The following CSMD1 variants were observed in gnomAD, a reference collection of about 807,000 sequenced individuals.
The protein encoded by CSMD1 is CUB and Sushi multiple domains 1, also known as CUB and sushi domain-containing protein 1.
CSMD1 carries 213 observed loss-of-function variants against 417.5 expected under a neutral mutation model. The ratio of observed to expected loss-of-function variants is 0.51; its 90% CI spans 0.46 to 0.57. CSMD1 has a LOEUF of 0.57. Ranked by LOEUF, CSMD1 falls within the 20% of genes least tolerant of loss-of-function variation. The pLI, the probability that CSMD1 is intolerant of heterozygous loss-of-function variation, is 0.00. For missense variants in CSMD1, 6,923 were observed against 4,529.7 expected (o/e 1.53, Z -15.17); for synonymous variants, 2,862 against 1,736.8 (o/e 1.65, Z -16.11).
At chr8:4,032,783 TA>T (rs958317240) in intron 3 of CSMD1, among the ~76,000 whole-genome samples, 1 of 152,050 alleles carries the variant, frequency 6.6e-6, no homozygotes, top group Non-Finnish European at 1.5e-5. Context: ...TTTCATTTTG[TA>T]AAAAAATAAT....
rs1339105779 is a variant in CSMD1, at chr8:4,413,440, C to T, written c.415+6513G>A. ...TTGTTTCTTTAGGGCAGTTCAGCGTCTCTCTTCTAATGACTTGATTGTCTT... is the reference window on the plus strand; with the variant it reads ...TTGTTTCTTTAGGGCAGTTCAGCGTTTCTCTTCTAATGACTTGATTGTCTT... On this transcript the variant is annotated intron_variant, in intron 3 of 69. Coordinates refer to ENST00000635120, the MANE Select transcript of CSMD1 (RefSeq NM_033225.6). 2.6e-5 allele frequency among the ~76,000 whole-genome samples: 4 copies of T among 152,180 alleles called. No individual in the cohort carries two copies. In the East Asian group the frequency reaches 7.7e-4, roughly 29 times the overall value.
At chr8:4,575,363 C>A (rs73500532) in intron 2 of CSMD1, among the ~76,000 whole-genome samples, 8 of 152,040 alleles carry the variant, frequency 5.3e-5, no homozygotes, top group South Asian at 2.1e-4. Context: ...ATTAAAGTTG[C>A]GGGATGAAAA....
intron 1 of CSMD1, among the ~76,000 whole-genome samples, chr8:4,873,433 C>T (rs1802853755): frequency 6.6e-6 from 1 of 152,110 alleles, no homozygotes; most frequent in African/African-American, 2.4e-5. Flanking sequence ...TAGAATCTAA[C>T]TCAGAGAATA....
intron 1 of CSMD1, among the ~76,000 whole-genome samples, chr8:4,750,928 G>A (rs1448822766): frequency 1.3e-5 from 2 of 152,150 alleles, no homozygotes; most frequent in Non-Finnish European, 1.5e-5. Context: ...TCCATTGCCT[G>A]GCATAATGTT....
At chr8:4,987,384 G>A (rs1811233965) in intron 1 of CSMD1, among the ~76,000 whole-genome samples, 1 of 152,186 alleles carries the variant, frequency 6.6e-6, no homozygotes, top group Admixed American at 6.5e-5. Flanking sequence ...GCAGAGGGTT[G>A]CTGCAACACT....
intron 5 of CSMD1, among the ~76,000 whole-genome samples, chr8:3,950,538 A>G (rs1001608311): frequency 6.6e-6 from 1 of 152,218 alleles, no homozygotes; most frequent in African/African-American, 2.4e-5. Context: ...TCTCAGCATG[A>G]CAGAGCCTCA....
At chr8:3,815,646 A>C (rs1346358765) in intron 5 of CSMD1, among the ~76,000 whole-genome samples, 1 of 150,628 alleles carries the variant, frequency 6.6e-6, no homozygotes, top group African/African-American at 2.4e-5. Flanking sequence ...TTTTTTAACA[A>C]ATAAACAACC....
chr8:3,724,876 G>A (rs569562116), intron 6 of CSMD1, among the ~76,000 whole-genome samples: 2 of 152,162 alleles, frequency 1.3e-5, no homozygotes, highest in African/African-American at 2.4e-5. Flanking sequence ...TTAAAATTCA[G>A]ACTATTGTCG....
intron 2 of CSMD1, among the ~76,000 whole-genome samples, chr8:4,494,199 C>A (rs1352242794): frequency 6.6e-6 from 1 of 152,104 alleles, no homozygotes; most frequent in Non-Finnish European, 1.5e-5. Flanking sequence ...TGTTAAGAAA[C>A]CAGCTCTATC....
At chr8:3,407,588 T>C (rs773484764) in intron 14 of CSMD1, among the ~76,000 whole-genome samples, 6 of 151,506 alleles carry the variant, frequency 4.0e-5, no homozygotes, top group Non-Finnish European at 7.4e-5. Flanking sequence ...CATGGATGGA[T>C]AGAATGATGG....
At chr8:4,576,509 C>G (rs1799143154) in intron 2 of CSMD1, among the ~76,000 whole-genome samples, 2 of 152,202 alleles carry the variant, frequency 1.3e-5, no homozygotes, top group African/African-American at 4.8e-5. Context: ...ATAAGTAACT[C>G]TCTCCTACTA....
chr8:4,719,208 G>T (rs1424360394), intron 1 of CSMD1, among the ~76,000 whole-genome samples: 1 of 152,170 alleles, frequency 6.6e-6, no homozygotes, highest in Non-Finnish European at 1.5e-5. Flanking sequence ...GGGTGGGGGA[G>T]ACTAGATGGC....
chr8:4,800,880 C>T (rs925271412), intron 1 of CSMD1, among the ~76,000 whole-genome samples: 9 of 152,224 alleles, frequency 5.9e-5, no homozygotes, highest in Admixed American at 5.2e-4. Context: ...CCCTTTCACA[C>T]ATGGAACTTA....
rs376462025 is a variant in CSMD1 at position 4,023,454 on chromosome 8, G to C, written c.610+8451C>G. Reference sequence around the variant, plus strand: ...AAAGCCAGCACTCATCTAGACTCTGGGTTGAGTAGCATTAGGGATTGCAAT... The same window carrying C: ...AAAGCCAGCACTCATCTAGACTCTGCGTTGAGTAGCATTAGGGATTGCAAT... On this transcript the variant is annotated intron_variant, in intron 4 of 69. Transcript: ENST00000635120. 1.6e-3 allele frequency among the ~76,000 whole-genome samples: 249 copies of C among 152,226 alleles called. 1 individual carries two copies. Among genetic ancestry groups the C allele is most frequent in the Middle Eastern group, 6.8e-3 (2 of 294 alleles).
At chr8:3,989,397 A>T (rs1004530583) in intron 5 of CSMD1, among the ~76,000 whole-genome samples, 2 of 152,210 alleles carry the variant, frequency 1.3e-5, no homozygotes, top group African/African-American at 2.4e-5. Context: ...AAAACGACAG[A>T]GGACATTGCC....
At chr8:3,631,226 G>A (rs918785710) in intron 7 of CSMD1, among the ~76,000 whole-genome samples, 16 of 152,234 alleles carry the variant, frequency 1.1e-4, no homozygotes, top group African/African-American at 3.6e-4. Context: ...TGGACAGCAC[G>A]TAACACGATC....
intron 2 of CSMD1, among the ~76,000 whole-genome samples, chr8:4,612,661 C>G (rs1228708039): frequency 6.6e-6 from 1 of 152,180 alleles, no homozygotes; most frequent in Non-Finnish European, 1.5e-5. Flanking sequence ...TCTCCATCTA[C>G]TCAACTGCCA....
chr8:4,393,277 A>G (rs1041135477), intron 3 of CSMD1, among the ~76,000 whole-genome samples: 3 of 152,180 alleles, frequency 2.0e-5, no homozygotes, highest in African/African-American at 7.2e-5. Flanking sequence ...CACCTGGCCT[A>G]CAAAGCAGTT....
intron 7 of CSMD1, among the ~76,000 whole-genome samples, chr8:3,627,985 C>T (rs1231415225): frequency 6.6e-5 from 10 of 152,116 alleles, no homozygotes; most frequent in African/African-American, 2.2e-4. Context: ...TTGAGCTTAC[C>T]TTATATATCT....
Sources: gnomAD v4.1 joint callset for allele counts (sites outside exome capture counted in the v4.1 genomes callset) on GRCh38, gnomAD v4.1.1 for gene constraint, MANE v1.5 for transcripts, NCBI Gene and HGNC (gene_info 2026-07-23, HGNC 2026-07-21) for gene names.